Variants in PKD1 observed in about 807,000 individuals in gnomAD.
PKD1 encodes polycystin-1.
Under a neutral mutation model 361.7 loss-of-function variants are expected in PKD1, and 81 were observed. That is an observed-to-expected ratio of 0.22 (90% CI 0.19 to 0.27). The LOEUF (loss-of-function observed/expected upper bound fraction) is 0.27, where lower values mean the gene tolerates loss of function less well. PKD1 is among the 10% of genes least tolerant of loss of function. The pLI is 1.00. For missense variants in PKD1, 6,399 were observed against 6,118.3 expected, an observed-to-expected ratio of 1.05 and a Z score of -1.53; for synonymous variants, 3,615 against 2,818.3, an observed-to-expected ratio of 1.28 and a Z score of -8.95.
chr16:2,106,250 C>T lies in PKD1; in HGVS notation c.7544G>A (p.Arg2515Gln), dbSNP rs2432404. Residue 2515 changes from arginine to glutamine, a missense_variant, in exon 19 of 46, where the codon CGG (arginine) becomes CAG (glutamine). Transcript: ENST00000262304. The surrounding 1 kb of genome is among the most constrained non-coding windows in gnomAD (Gnocchi z 6.5). ...GAPLVYALLL[R>Q]RCRQGHCEEF... ...CTCGCAGTGGCCCTGGCGACAGCGC[C>T]GCAGCAGCAGGGCGTACACCAGCGG... 44 of 1,610,104 alleles carry T rather than the reference C, an allele frequency of 2.7e-5. No homozygotes were observed. Among genetic ancestry groups the T allele is most frequent in the East Asian group, 4.5e-5 (2 of 44,880 alleles).
intron 1 of PKD1, among the ~76,000 whole-genome samples, chr16:2,124,177 C>A (rs554664371): frequency 6.6e-6 from 1 of 152,234 alleles, no homozygotes; most frequent in Non-Finnish European, 1.5e-5. Context: ...GGCTGCCCCT[C>A]CACACCCGTC....
chr16:2,105,253 GC>G (rs2092297867), intron 21 of PKD1, 68 bp downstream of exon 21: 1 of 1,537,214 alleles, frequency 6.5e-7, no homozygotes, highest in Non-Finnish European at 8.8e-7. Flanking sequence ...CTGCCCGTCT[GC>G]CCTGGGGGGC....
chr16:2,120,959 G>C (rs1343969986), intron 1 of PKD1, among the ~76,000 whole-genome samples: 3 of 151,922 alleles, frequency 2.0e-5, no homozygotes, highest in Non-Finnish European at 2.9e-5. Flanking sequence ...GAAGGTTGCA[G>C]TGAGCCAAGA....
chr16:2,093,477 G>A lies in PKD1; in HGVS notation c.11016+67C>T, dbSNP rs1050255510. 50 of 1,420,502 alleles carry A rather than the reference G, an allele frequency of 3.5e-5. No homozygotes were observed. In the Middle Eastern group the frequency reaches 6.5e-4, roughly 19 times the overall value. 88.0% of individuals were successfully genotyped at this position (1,420,502 alleles called of 1,614,324 possible). A position where few individuals can be genotyped will look rare whatever the true frequency, so the allele number is the denominator to read the frequency against. ...GGAAAGGGGGACAGGAGTGTCCTGC[G>A]TGCATGGGTGGGAGGTGGGAGACAA... On this transcript the variant is annotated intron_variant, in intron 37 of 45. Coordinates refer to ENST00000262304, the MANE Select transcript of PKD1 (RefSeq NM_001009944.3).
chr16:2,113,861 G>A (rs549461222), intron 11 of PKD1: 18 of 486,642 alleles, frequency 3.7e-5, no homozygotes, highest in Non-Finnish European at 5.3e-5. Flanking sequence ...TTAGCCAGGC[G>A]AGAACACAGC....
intron 9 of PKD1, among the ~76,000 whole-genome samples, 173 bp downstream of exon 9, chr16:2,115,819 C>T (rs999831275): frequency 2.0e-5 from 3 of 152,206 alleles, no homozygotes; most frequent in African/African-American, 7.2e-5. Flanking sequence ...AGGCCCCACC[C>T]AATCCACCCC....
chr16:2,097,425 A>G lies in PKD1; in HGVS notation c.10299T>C (p.Asn3433=). 6.2e-7 allele frequency: 1 copy of G among 1,608,468 alleles called. No homozygotes were observed. Among genetic ancestry groups the G allele is most frequent in the Non-Finnish European group, 8.5e-7 (1 of 1,179,886 alleles). ...CCTGGCCCCGTGCCAGCTGCCGCAG[A>G]TTGCTACCCACAATGGACGGGTCAC... ...LLSDPSIVGS[N]LRQLARGQAG... is the part of the protein sequence containing the mutation. Residue 3433 remains asparagine, a synonymous_variant, in exon 33 of 46, where the codon AAT becomes AAC. Coordinates refer to ENST00000262304, the MANE Select transcript of PKD1 (RefSeq NM_001009944.3).
chr16:2,102,635 T>C lies in PKD1; in HGVS notation c.8949-2A>G. ...TAACTCCCCGCTGGGTCTCTGCTCC[T>C]GGGCAGGGAAGGGGTAGCGGACGTG... On this transcript the variant is annotated splice_acceptor_variant, in intron 24 of 45. Coordinates refer to ENST00000262304, the MANE Select transcript of PKD1 (RefSeq NM_001009944.3). LOFTEE classifies it high-confidence loss of function. 1.2e-6 allele frequency: 2 copies of C among 1,610,952 alleles called. No individual in the cohort carries two copies. Among genetic ancestry groups the C allele is most frequent in the Middle Eastern group, 2.1e-4 (1 of 4,746 alleles).
In PKD1 at chr16:2,106,564, G is replaced by A. The variant is rs764386011; in HGVS notation, c.7323C>T (p.Gly2441=). The A allele has an allele frequency of 1.9e-5, 31 of 1,596,226 alleles. No homozygotes were observed. In the South Asian group the frequency reaches 2.3e-4, roughly 12 times the overall value. The change falls in exon 18 of 46, where the codon GGC becomes GGT. Residue 2441 remains glycine (G), a synonymous_variant. Coordinates refer to ENST00000262304, the MANE Select transcript of PKD1 (RefSeq NM_001009944.3). This position sits in a 1 kb window ranked among gnomAD's most constrained non-coding sequence, Gnocchi z 6.5. ...LVLRRGVLRD[G]EGYTFTLTVL... ...CCGTGAGCGTGAAGGTGTATCCCTC[G>A]CCGTCCCGCAGCACGCCCCGCCGCA...
At chr16:2,095,755 C>A (rs999612236) in intron 34 of PKD1, among the ~76,000 whole-genome samples, 1 of 152,182 alleles carries the variant, frequency 6.6e-6, no homozygotes, top group Non-Finnish European at 1.5e-5. Context: ...TTGAGGAAGC[C>A]GGGAGGGTGA....
In PKD1 at chr16:2,111,041, C is replaced by G. The variant is rs748831666; in HGVS notation, c.4126G>C (p.Val1376Leu). The G allele has an allele frequency of 4.3e-6, 7 of 1,610,576 alleles. No individual in the cohort carries two copies. The African/African-American group carries it at 6.7e-5, about 15-fold the overall frequency. Residue 1376 changes from valine (V) to leucine (L), a missense_variant, in exon 15 of 46, where the codon GTG becomes CTG. Val to Leu is a conservative substitution (Grantham distance 32). Coordinates refer to ENST00000262304, the MANE Select transcript of PKD1 (RefSeq NM_001009944.3). Reference sequence around the variant, plus strand: ...GTGACGTTGCCCACCTCTGGCTCCACGCAGATGCTGGTGAAGTAATGCGCC... The same window carrying G: ...GTGACGTTGCCCACCTCTGGCTCCAGGCAGATGCTGGTGAAGTAATGCGCC... ...NRAHYFTSIC[V>L]EPEVGNVTLQ...
At chr16:2,101,283 C>T (rs981476668) in intron 26 of PKD1, among the ~76,000 whole-genome samples, 7 of 151,940 alleles carry the variant, frequency 4.6e-5, no homozygotes, top group South Asian at 2.1e-4. Flanking sequence ...CGCGCCCGGC[C>T]GACAGTTTTT....
chr16:2,095,354 A>C (rs1423320545), intron 34 of PKD1: 1 of 152,222 alleles, frequency 6.6e-6, no homozygotes, highest in African/African-American at 2.4e-5. Flanking sequence ...CAGACTTTGC[A>C]GTGAGCCGAG....
At position 2,093,590 on chromosome 16, in the gene PKD1, G is replaced by C; in HGVS notation, c.10970C>G (p.Ala3657Gly). 6.2e-7 allele frequency: 1 copy of C among 1,608,482 alleles called. No individual in the cohort carries two copies. The highest frequency in any genetic ancestry group is 8.5e-7 in the Non-Finnish European group (1 of 1,177,810). ...RPPHGFALFL[A>G]KEEARKVKRL... ...CTTGACCTTGCGGGCTTCTTCCTTG[G>C]CCAGGAAGAGTGCAAAGCCGTGGGG... Residue 3657 changes from alanine (A) to glycine (G), a missense_variant, in exon 37 of 46, where the codon GCC becomes GGC. Ala to Gly is a moderately conservative substitution (Grantham distance 60, BLOSUM62 0). Coordinates refer to ENST00000262304, the MANE Select transcript of PKD1 (RefSeq NM_001009944.3).
chr16:2,106,670 G>A lies in PKD1; in HGVS notation c.7217C>T (p.Ala2406Val), dbSNP rs773518201. The A allele has an allele frequency of 4.4e-6, 7 of 1,595,254 alleles. No homozygotes were observed. The highest frequency in any genetic ancestry group is 2.2e-5 in the South Asian group (2 of 90,698). ...CGTCTTGTTGCTGAACGTACGTGCA[G>A]CCCACCGCTGCAGGCAGAAGGGGTG... ...CSSGSKRGRWAARTFSNKTLV... is the reference protein window; with the variant it reads ...CSSGSKRGRWVARTFSNKTLV... The change falls in exon 18 of 46, where the codon GCT becomes GTT. Residue 2406 changes from alanine to valine, a missense_variant. By Grantham distance (64) the Ala-to-Val change is moderately conservative (BLOSUM62 0). Transcript: ENST00000262304. This position sits in a 1 kb window ranked among gnomAD's most constrained non-coding sequence, Gnocchi z 6.5.
rs774799938 is a variant in PKD1, at chr16:2,113,269, G to A, written c.2877C>T (p.Ala959=). ...TCCACCGGAAGACCATGTCCGAGCC[G>A]GCCTCCACCACGGGGCTGTACCTCT... The part of the protein sequence containing the change: ...VLVRYSPVVE[A]GSDMVFRWTI... Residue 959 remains alanine (A), a synonymous_variant, in exon 12 of 46, where the codon GCC becomes GCT. Transcript: ENST00000262304. 5.7e-6 allele frequency: 9 copies of A among 1,588,356 alleles called. No homozygotes were observed. Among genetic ancestry groups the A allele is most frequent in the East Asian group, 4.5e-5 (2 of 44,816 alleles).
In PKD1 at chr16:2,113,304, A is replaced by C. The variant is rs1446095876; in HGVS notation, c.2854-12T>G. ...ACGGGGCTGTACCTCTGCGGGGGGA[A>C]TGGTGTCAGCCTGGGCTCTGTGGAG... is the stretch of plus-strand genomic sequence containing the variant. On this transcript the variant is annotated splice_polypyrimidine_tract_variant and intron_variant, in intron 11 of 45. Coordinates refer to ENST00000262304, the MANE Select transcript of PKD1 (RefSeq NM_001009944.3). 1.8e-5 allele frequency: 28 copies of C among 1,595,098 alleles called. No individual in the cohort carries two copies. The highest frequency in any genetic ancestry group is 6.7e-5 in the Admixed American group (4 of 59,916).
At position 2,111,855 on chromosome 16, in the gene PKD1, G is replaced by A. The variant is rs768062013; in HGVS notation, c.3312C>T (p.Thr1104=). 9.3e-6 allele frequency: 15 copies of A among 1,610,114 alleles called. No homozygotes were observed. Among genetic ancestry groups the A allele is most frequent in the Admixed American group, 1.7e-5 (1 of 59,976 alleles). The change falls in exon 15 of 46, where the codon ACC becomes ACT. Residue 1104 remains threonine (T), a synonymous_variant. Transcript: ENST00000262304. The part of the protein sequence containing the change: ...TYAAPGEYLL[T]VLASNAFENL... ...TCTCGAAGGCATTAGATGCCAGCAC[G>A]GTCAGGAGGTACTCACCTGTGGGGA...
Position 2,102,287 on chromosome 16 carries a change from G to A in PKD1, c.9202-31C>T, listed in dbSNP as rs967792978. On this transcript the variant is annotated intron_variant, in intron 25 of 45. Transcript: ENST00000262304. Reference sequence around the variant, plus strand: ...AGGACACAGCCGCCGGGCCCAGGAGGTCACGTGCAAGCTGTGCCTTCTCAG... The same window carrying A: ...AGGACACAGCCGCCGGGCCCAGGAGATCACGTGCAAGCTGTGCCTTCTCAG... The A allele has an allele frequency of 2.7e-6, 4 of 1,469,136 alleles. No homozygotes were observed. The South Asian group carries it at 3.5e-5, about 13-fold the overall frequency. 91.0% of individuals were successfully genotyped at this position (1,469,136 alleles called of 1,614,324 possible). A position where few individuals can be genotyped will look rare whatever the true frequency, so the allele number is the denominator to read the frequency against.
Sources: gnomAD v4.1 joint callset for allele counts (sites outside exome capture counted in the v4.1 genomes callset) on GRCh38, gnomAD v4.1.1 for gene constraint, Gnocchi (gnomAD v3.1) non-coding constraint, MANE v1.5 for transcripts, NCBI Gene and HGNC (gene_info 2026-07-23, HGNC 2026-07-21) for gene names.